The following POU6F2 variants were observed in gnomAD, a reference collection of about 807,000 sequenced individuals.
POU6F2 encodes POU class 6 homeobox 2.
In POU6F2, 31 loss-of-function variants were observed where a neutral mutation model predicts 71.3. The observed-to-expected ratio is 0.43, with a 90% confidence interval of 0.33 to 0.59. The LOEUF is 0.59. Among genes scored for constraint, POU6F2 ranks in the 20% least tolerant of loss-of-function variants. The pLI is 0.04. For missense variants in POU6F2, 783 were observed against 856.8 expected, an observed-to-expected ratio of 0.91 and a Z score of 1.07; for synonymous variants, 347 against 355.7, an observed-to-expected ratio of 0.98 and a Z score of 0.27.
At chr7:39,074,149 G>A (rs1461937972) in intron 1 of POU6F2, among the ~76,000 whole-genome samples, 1 of 152,150 alleles carries the variant, frequency 6.6e-6, no homozygotes, top group South Asian at 2.1e-4. Context: ...CAGAGTTCGA[G>A]ACCAGCCAGG....
chr7:39,169,027 A>G (rs930713717), intron 2 of POU6F2, among the ~76,000 whole-genome samples: 7 of 152,198 alleles, frequency 4.6e-5, no homozygotes, highest in African/African-American at 1.7e-4. Context: ...ACCTCAGTAC[A>G]TTATTTTATG....
intron 4 of POU6F2, among the ~76,000 whole-genome samples, chr7:39,211,959 T>C (rs1392437315): frequency 6.6e-6 from 1 of 152,216 alleles, no homozygotes; most frequent in East Asian, 1.9e-4. Flanking sequence ...TTCCAATTCA[T>C]GTACCTGTCA....
intron 2 of POU6F2, among the ~76,000 whole-genome samples, chr7:39,110,139 C>T (rs1046851495): frequency 1.3e-5 from 2 of 151,706 alleles, no homozygotes; most frequent in African/African-American, 2.4e-5. Flanking sequence ...GGTTTGGTGG[C>T]GGGCGGCTGT....
intron 1 of POU6F2, among the ~76,000 whole-genome samples, chr7:39,026,427 A>T (rs6462885): frequency 0.33 from 49,936 of 151,842 alleles, 8,812 homozygotes; most frequent in East Asian, 0.73. Flanking sequence ...GCCATAAAAA[A>T]TGATGAGTTC....
intron 6 of POU6F2, among the ~76,000 whole-genome samples, chr7:39,409,729 G>T (rs73127516): frequency 6.6e-5 from 10 of 152,318 alleles, no homozygotes; most frequent in South Asian, 2.1e-4. Context: ...AGAATCTTCC[G>T]TCAGGGTCTT....
In POU6F2 at chr7:39,464,114, G is replaced by T. The variant is rs1789011923; in HGVS notation, c.1659-68G>T. 2 of 1,536,206 alleles carry T rather than the reference G, an allele frequency of 1.3e-6. No homozygotes were observed. Among genetic ancestry groups the T allele is most frequent in the Admixed American group, 3.8e-5 (2 of 53,160 alleles). ...TTCGCCCTGCCAGGCAGTCAGGCAG[G>T]CAGGCAGGAGGCCCACCCTGGCAGA... On this transcript the variant is annotated intron_variant, in intron 9 of 9. Coordinates refer to ENST00000518318, the MANE Select transcript of POU6F2 (RefSeq NM_001370959.1). This position sits in a 1 kb window ranked among gnomAD's most constrained non-coding sequence, Gnocchi z 4.1.
At chr7:39,369,137 A>G (rs1583555300) in intron 5 of POU6F2, among the ~76,000 whole-genome samples, 1 of 152,170 alleles carries the variant, frequency 6.6e-6, no homozygotes, top group South Asian at 2.1e-4. Flanking sequence ...TGCTGAAGTG[A>G]CAACAAAGGA....
intron 4 of POU6F2, among the ~76,000 whole-genome samples, chr7:39,237,920 A>G (rs1038180720): frequency 5.3e-5 from 8 of 152,024 alleles, no homozygotes; most frequent in Admixed American, 2.0e-4. Context: ...GCAACAAACC[A>G]TTTGGTTTTC....
intron 4 of POU6F2, among the ~76,000 whole-genome samples, chr7:39,298,628 C>T (rs575732738): frequency 8.5e-5 from 13 of 152,258 alleles, no homozygotes; most frequent in African/African-American, 3.1e-4. Flanking sequence ...CCAGAAATAC[C>T]ATTTTACCCA....
intron 2 of POU6F2, among the ~76,000 whole-genome samples, chr7:39,152,578 G>A (rs1304764657): frequency 2.6e-5 from 4 of 152,042 alleles, no homozygotes; most frequent in African/African-American, 9.7e-5. Flanking sequence ...TGGCTGGATC[G>A]GCTGAGATTC....
At chr7:39,287,014 G>A (rs1362214877) in intron 4 of POU6F2, among the ~76,000 whole-genome samples, 1 of 151,468 alleles carries the variant, frequency 6.6e-6, no homozygotes, top group Non-Finnish European at 1.5e-5. Flanking sequence ...CTTAAAAGAT[G>A]TCAAGCGAGT....
chr7:39,451,638 G>T lies in POU6F2; in HGVS notation c.1426G>T (p.Ala476Ser), dbSNP rs760236811. ...ASMSQSPVRQ[A>S]SSSSSSSSSS... Reference sequence around the variant, plus strand: ...CATGTCTCAAAGTCCCGTCCGGCAGGCTTCCTCTTCTTCCTCCTCATCCTC... The same window carrying T: ...CATGTCTCAAAGTCCCGTCCGGCAGTCTTCCTCTTCTTCCTCCTCATCCTC... The change falls in exon 8 of 10, where the codon GCT becomes TCT. Residue 476 changes from alanine to serine, a missense_variant. Transcript: ENST00000518318. 18 of 1,612,904 alleles carry T rather than the reference G, an allele frequency of 1.1e-5. No homozygotes were observed. The highest frequency in any genetic ancestry group is 1.3e-5 in the African/African-American group (1 of 74,892).
intron 1 of POU6F2, among the ~76,000 whole-genome samples, chr7:39,081,525 G>T (rs184591718): frequency 6.6e-6 from 1 of 152,270 alleles, no homozygotes; most frequent in East Asian, 1.9e-4. Flanking sequence ...TTTTATTATA[G>T]CCTTTTCATT....
At chr7:39,007,834 T>C (rs1178313758) in intron 1 of POU6F2, among the ~76,000 whole-genome samples, 2 of 151,744 alleles carry the variant, frequency 1.3e-5, no homozygotes, top group South Asian at 2.1e-4. Flanking sequence ...ATTTCATCCA[T>C]GTCCCTACAA....
chr7:39,176,885 A>G (rs1793341360), intron 2 of POU6F2, among the ~76,000 whole-genome samples: 2 of 152,172 alleles, frequency 1.3e-5, no homozygotes, highest in Non-Finnish European at 2.9e-5. Flanking sequence ...ATGCCTACCA[A>G]AATAAAAGTT....
intron 2 of POU6F2, among the ~76,000 whole-genome samples, chr7:39,102,667 T>TAC (rs958848338): frequency 1.3e-5 from 2 of 152,098 alleles, no homozygotes; most frequent in African/African-American, 2.4e-5. Flanking sequence ...TGCATATATA[T>TAC]ACACACACAC....
At chr7:39,276,602 C>T (rs1189719415) in intron 4 of POU6F2, among the ~76,000 whole-genome samples, 6 of 151,050 alleles carry the variant, frequency 4.0e-5, no homozygotes, top group African/African-American at 7.3e-5. Context: ...CACATGCACA[C>T]GTATGTTTAT....
intron 2 of POU6F2, among the ~76,000 whole-genome samples, chr7:39,190,485 C>T (rs1584592051): frequency 1.6e-5 from 2 of 128,366 alleles, no homozygotes; most frequent in Non-Finnish European, 3.2e-5. Context: ...ACCCTTAATT[C>T]TAATATTCTA....
intron 6 of POU6F2, among the ~76,000 whole-genome samples, chr7:39,408,558 C>T (rs1787486899): frequency 6.6e-6 from 1 of 152,158 alleles, no homozygotes; most frequent in African/African-American, 2.4e-5. Context: ...ACTGTGCATA[C>T]ATTGAATAAG....
Sources: gnomAD v4.1 joint callset for allele counts (sites outside exome capture counted in the v4.1 genomes callset) on GRCh38, gnomAD v4.1.1 for gene constraint, Gnocchi (gnomAD v3.1) non-coding constraint, MANE v1.5 for transcripts, NCBI Gene and HGNC (gene_info 2026-07-23, HGNC 2026-07-21) for gene names.